PPARGC1A: variants seen among roughly 807,000 people sequenced by gnomAD.
PPARGC1A encodes PPARG coactivator 1 alpha, also known as peroxisome proliferator-activated receptor gamma coactivator 1-alpha.
PPARGC1A carries 25 observed loss-of-function variants against 88.7 expected under a neutral mutation model. The observed-to-expected ratio is 0.28, with a 90% CI of 0.21 to 0.39. PPARGC1A has a LOEUF of 0.39. Among genes scored for constraint, PPARGC1A ranks in the 10% least tolerant of loss-of-function variants. The probability of loss-of-function intolerance (pLI) is 1.00; values close to 1 mark genes in which losing one functional copy is unlikely to be tolerated. For missense variants in PPARGC1A, 880 were observed against 968.7 expected (o/e 0.91, Z 1.22); for synonymous variants, 363 against 355.6 (o/e 1.02, Z -0.24).
the PPARGC1A span, among the ~76,000 whole-genome samples, chr4:24,267,865 T>C: frequency 6.6e-5 from 10 of 152,320 alleles, no homozygotes; most frequent in East Asian, 1.9e-3. Context: ...TCTTGTAATT[T>C]CCATAAGGGC....
At chr4:23,881,269 G>A (rs979223369) in intron 2 of PPARGC1A, 1 of 152,144 alleles carries the variant, frequency 6.6e-6, no homozygotes, top group African/African-American at 2.4e-5. Context: ...TGAGCCTTTT[G>A]CTTTGTTTTT....
chr4:24,112,301 T>A, the PPARGC1A span, among the ~76,000 whole-genome samples: 3 of 152,228 alleles, frequency 2.0e-5, no homozygotes, highest in Non-Finnish European at 4.4e-5. Context: ...CTTCAGATAG[T>A]TATTGCAGTG....
At chr4:24,317,760 T>C in the PPARGC1A span, among the ~76,000 whole-genome samples, 4 of 151,700 alleles carry the variant, frequency 2.6e-5, no homozygotes, top group Admixed American at 2.0e-4. Context: ...CATCCACCTA[T>C]ACGCAAGCAC....
chr4:23,859,618 A>G (rs1730848536), intron 2 of PPARGC1A, among the ~76,000 whole-genome samples: 1 of 151,788 alleles, frequency 6.6e-6, no homozygotes, highest in Admixed American at 6.6e-5. Flanking sequence ...CGTTTCTAGT[A>G]AAAATACAAA....
chr4:24,453,856 C>G, the PPARGC1A span, among the ~76,000 whole-genome samples: 3 of 152,038 alleles, frequency 2.0e-5, no homozygotes, highest in Non-Finnish European at 4.4e-5. Context: ...CTCCACATAC[C>G]TGTCCTTATG....
At chr4:23,865,322 T>C (rs1711687738) in intron 2 of PPARGC1A, among the ~76,000 whole-genome samples, 1 of 152,218 alleles carries the variant, frequency 6.6e-6, no homozygotes, top group Admixed American at 6.5e-5. Flanking sequence ...ATTTCTTCTC[T>C]GACACTGAGG....
At chr4:23,975,131 T>C in the PPARGC1A span, among the ~76,000 whole-genome samples, 1 of 152,120 alleles carries the variant, frequency 6.6e-6, no homozygotes, top group South Asian at 2.1e-4. Context: ...TTTTAAACTA[T>C]TTTCTGCCCT....
chr4:24,381,912 T>C, the PPARGC1A span, among the ~76,000 whole-genome samples: 3 of 152,226 alleles, frequency 2.0e-5, no homozygotes, highest in South Asian at 2.1e-4. Flanking sequence ...GTGGTTCTCA[T>C]TGGACTACCC....
chr4:24,251,525 C>T, the PPARGC1A span, among the ~76,000 whole-genome samples: 2 of 152,212 alleles, frequency 1.3e-5, no homozygotes, highest in Admixed American at 1.3e-4. Context: ...CACTGTTATC[C>T]CACTCTTCCT....
chr4:24,394,704 A>T, the PPARGC1A span, among the ~76,000 whole-genome samples: 2 of 152,314 alleles, frequency 1.3e-5, no homozygotes, highest in Admixed American at 1.3e-4. Context: ...TTATGACTGC[A>T]TTTTATCAAA....
the PPARGC1A span, among the ~76,000 whole-genome samples, chr4:24,237,022 G>A: frequency 6.6e-6 from 1 of 152,074 alleles, no homozygotes; most frequent in East Asian, 1.9e-4. Flanking sequence ...TTATTATTGG[G>A]GAATTGGGTG....
the PPARGC1A span, among the ~76,000 whole-genome samples, chr4:24,385,476 CA>C: frequency 6.6e-6 from 1 of 151,932 alleles, no homozygotes; most frequent in African/African-American, 2.4e-5. Context: ...AAAAGATTGA[CA>C]AAATAGATAG....
At chr4:24,206,840 TAAAAAAAAAAA>T in the PPARGC1A span, among the ~76,000 whole-genome samples, 992 of 43,640 alleles carry the variant, frequency 0.023, 31 homozygotes, top group African/African-American at 0.069. Context: ...GACTTCACCT[TAAAAAAAAAAA>T]AAAAAAAAAA....
the PPARGC1A span, among the ~76,000 whole-genome samples, chr4:23,994,614 C>T: frequency 6.6e-6 from 1 of 152,106 alleles, no homozygotes; most frequent in Non-Finnish European, 1.5e-5. Context: ...AGCCCACATT[C>T]CTTGCAATAT....
At chr4:24,174,099 C>T in the PPARGC1A span, among the ~76,000 whole-genome samples, 3 of 152,306 alleles carry the variant, frequency 2.0e-5, no homozygotes, top group Admixed American at 6.5e-5. Flanking sequence ...GCAGAGGACA[C>T]ATCTGCACCT....
the PPARGC1A span, among the ~76,000 whole-genome samples, chr4:24,169,608 A>T: frequency 2.0e-5 from 3 of 152,136 alleles, no homozygotes; most frequent in Non-Finnish European, 4.4e-5. Flanking sequence ...GTTGGCTCAC[A>T]TCTATAATCC....
At chr4:23,837,679 G>A (rs1051741481) in intron 2 of PPARGC1A, among the ~76,000 whole-genome samples, 5 of 152,110 alleles carry the variant, frequency 3.3e-5, no homozygotes, top group African/African-American at 9.7e-5. Context: ...AGTAACATCT[G>A]GTAATGTATT....
At chr4:24,186,074 C>T in the PPARGC1A span, among the ~76,000 whole-genome samples, 2 of 152,060 alleles carry the variant, frequency 1.3e-5, no homozygotes, top group Non-Finnish European at 2.9e-5. Flanking sequence ...GAATTTGTGG[C>T]ATGTTAATAT....
chr4:24,244,972 A>C, the PPARGC1A span, among the ~76,000 whole-genome samples: 5 of 152,184 alleles, frequency 3.3e-5, no homozygotes, highest in African/African-American at 1.2e-4. Context: ...TGTTCTTTTT[A>C]AGAATGGAGA....
Sources: allele counts gnomAD v4.1 joint callset (sites outside exome capture counted in the v4.1 genomes callset), GRCh38; gene constraint gnomAD v4.1.1; transcripts MANE v1.5; gene names NCBI Gene and HGNC (gene_info 2026-07-23, HGNC 2026-07-21).